The following ZFYVE28 variants were observed in gnomAD, a reference collection of about 807,000 sequenced individuals.
ZFYVE28 encodes the protein lateral signaling target protein 2 homolog.
A neutral mutation model predicts 82.1 loss-of-function variants in ZFYVE28; 40 were observed. That is an observed-to-expected ratio of 0.49 (90% CI 0.38 to 0.63). The LOEUF is 0.63. ZFYVE28 is among the 30% of genes least tolerant of loss of function. ZFYVE28 has a pLI of 0.00. For synonymous variants in ZFYVE28, 612 were observed against 546.1 expected (o/e 1.12, Z -1.68); for missense variants, 1,321 against 1,242.1 (o/e 1.06, Z -0.96).
At chr4:2,315,322 G>A (rs1718045843) in intron 7 of ZFYVE28, among the ~76,000 whole-genome samples, 1 of 152,160 alleles carries the variant, frequency 6.6e-6, no homozygotes, top group Non-Finnish European at 1.5e-5. Context: ...GTCTCACTCT[G>A]TTGCCCAGGC....
At chr4:2,326,745 C>T (rs542761402) in intron 6 of ZFYVE28, among the ~76,000 whole-genome samples, 1 of 152,196 alleles carries the variant, frequency 6.6e-6, no homozygotes, top group East Asian at 1.9e-4. Flanking sequence ...GGTTTTTCAC[C>T]TCTGTGATAA....
Position 2,362,440 on chromosome 4 carries a change from G to A in ZFYVE28, c.40-8367C>T, listed in dbSNP as rs1726289722. 6.6e-6 allele frequency among the ~76,000 whole-genome samples: 1 copy of A among 152,088 alleles called. No homozygotes were observed. The highest frequency in any genetic ancestry group is 1.5e-5 in the Non-Finnish European group (1 of 68,004). On this transcript the variant is annotated intron_variant, in intron 1 of 12. Coordinates refer to ENST00000290974, the MANE Select transcript of ZFYVE28 (RefSeq NM_020972.3). The surrounding 1 kb of genome is among the most constrained non-coding windows in gnomAD (Gnocchi z 5.1). ...CTCACCATGACCAACTAATGGCCGAGCAAGCCCCTCCACCCCTCCACCACT... is the reference window on the plus strand; with the variant it reads ...CTCACCATGACCAACTAATGGCCGAACAAGCCCCTCCACCCCTCCACCACT...
In ZFYVE28 at chr4:2,362,358, T is replaced by C. The variant is rs1451366166; in HGVS notation, c.40-8285A>G. Among the ~76,000 whole-genome samples the C allele has an allele frequency of 6.6e-6, 1 of 152,126 alleles. No homozygotes were observed. Among genetic ancestry groups the C allele is most frequent in the Non-Finnish European group, 1.5e-5 (1 of 68,008 alleles). On this transcript the variant is annotated intron_variant, in intron 1 of 12. Coordinates refer to ENST00000290974, the MANE Select transcript of ZFYVE28 (RefSeq NM_020972.3). The surrounding 1 kb of genome is among the most constrained non-coding windows in gnomAD (Gnocchi z 5.1). ...AAGAAGCCAGGGAAGAGCCTCTGCC[T>C]GGGACACACAAATGCGGCCCCACAG... is the stretch of plus-strand genomic sequence containing the variant.
At position 2,311,541 on chromosome 4, in the gene ZFYVE28, C is replaced by A. The variant is rs149104338; in HGVS notation, c.804-6005G>T. Among the ~76,000 whole-genome samples, 26 of 152,192 alleles carry A rather than the reference C, an allele frequency of 1.7e-4. No individual in the cohort carries two copies. In the East Asian group the frequency reaches 4.2e-3, roughly 25 times the overall value. On this transcript the variant is annotated intron_variant, in intron 7 of 12. Transcript: ENST00000290974. ...ACTCTGCCTCAAACAAACAAAAAAC[C>A]TAACTTTTGGGTTTGTCTTTCCCCT...
intron 1 of ZFYVE28, among the ~76,000 whole-genome samples, chr4:2,379,637 T>A (rs749290942): frequency 3.3e-5 from 5 of 152,144 alleles, no homozygotes; most frequent in Non-Finnish European, 7.3e-5. Context: ...CGAATTCACA[T>A]TGCCACCCCA....
chr4:2,346,594 C>CAAT (rs1262615007), intron 2 of ZFYVE28, among the ~76,000 whole-genome samples: 1 of 151,918 alleles, frequency 6.6e-6, no homozygotes, highest in Non-Finnish European at 1.5e-5. Flanking sequence ...TGTATGGCAA[C>CAAT]AATAGCACAA....
chr4:2,355,962 C>T (rs4974651), intron 1 of ZFYVE28, among the ~76,000 whole-genome samples: 2 of 152,174 alleles, frequency 1.3e-5, no homozygotes, highest in Non-Finnish European at 2.9e-5. Context: ...GCGCACAGTT[C>T]GAATGCGCTG....
Position 2,320,653 on chromosome 4 carries a change from G to A in ZFYVE28, c.702-382C>T, listed in dbSNP as rs563186006. On this transcript the variant is annotated intron_variant, in intron 6 of 12. Transcript: ENST00000290974. The surrounding 1 kb of genome is among the most constrained non-coding windows in gnomAD (Gnocchi z 5.1). ...GGATTTGTGGTTAAATTTATCTGCAGAGCTTTATGAGAACTGGACCTGGAA... is the reference window on the plus strand; with the variant it reads ...GGATTTGTGGTTAAATTTATCTGCAAAGCTTTATGAGAACTGGACCTGGAA... Among the ~76,000 whole-genome samples, 1 of 152,188 alleles carries A rather than the reference G, an allele frequency of 6.6e-6. No individual in the cohort carries two copies. Among genetic ancestry groups the A allele is most frequent in the Non-Finnish European group, 1.5e-5 (1 of 68,042 alleles).
intron 1 of ZFYVE28, among the ~76,000 whole-genome samples, chr4:2,404,708 A>C (rs1731641774): frequency 6.6e-6 from 1 of 152,152 alleles, no homozygotes; most frequent in South Asian, 2.1e-4. Flanking sequence ...ACATAATAGA[A>C]ACAGGGTGTT....
intron 2 of ZFYVE28, chr4:2,342,464 G>C (rs1235606686): frequency 2.6e-5 from 4 of 152,310 alleles, no homozygotes; most frequent in African/African-American, 7.2e-5. Flanking sequence ...CGCAATCATA[G>C]CTTACGACAG....
rs544012829 is a variant in ZFYVE28, at chr4:2,271,543, G to A, written c.2429-129C>T. On this transcript the variant is annotated intron_variant, in intron 11 of 12. Coordinates refer to ENST00000290974, the MANE Select transcript of ZFYVE28 (RefSeq NM_020972.3). The stretch of plus-strand genomic sequence containing the variant: ...CCTGGCCTCCAGCCAGCCTCCGGGG[G>A]GGCGGTCTCCCAGCTCCCACATGCC... 22 of 1,409,410 alleles carry A rather than the reference G, an allele frequency of 1.6e-5. No individual in the cohort carries two copies. The African/African-American group carries it at 2.3e-4, about 14-fold the overall frequency. The allele number at this position is 1,409,410 out of a possible 1,614,324, so 87.3% of individuals were successfully genotyped here. A position where few individuals can be genotyped will look rare whatever the true frequency, so the allele number is the denominator to read the frequency against.
intron 1 of ZFYVE28, among the ~76,000 whole-genome samples, chr4:2,367,776 C>T (rs1438500857): frequency 1.3e-5 from 2 of 152,224 alleles, no homozygotes; most frequent in Admixed American, 6.5e-5. Flanking sequence ...GGAAGCCATA[C>T]TCAAGGAGGC....
intron 1 of ZFYVE28, among the ~76,000 whole-genome samples, chr4:2,404,857 C>CTTTTTCTTT (rs550584895): frequency 5.4e-5 from 6 of 110,998 alleles, no homozygotes; most frequent in African/African-American, 2.1e-4. Flanking sequence ...CAGTCTCGCT[C>CTTTTTCTTT]TTTTTTTTTT....
intron 1 of ZFYVE28, among the ~76,000 whole-genome samples, chr4:2,385,820 CT>C (rs1484521293): frequency 9.2e-5 from 14 of 152,216 alleles, no homozygotes; most frequent in Admixed American, 9.2e-4. Context: ...CAGCTCCTTG[CT>C]TAAGAGCCGC....
chr4:2,369,855 T>TTTTC (rs1560297051), intron 1 of ZFYVE28, among the ~76,000 whole-genome samples: 1 of 136,654 alleles, frequency 7.3e-6, no homozygotes, highest in Non-Finnish European at 1.6e-5. Flanking sequence ...CTTTTCTTTT[T>TTTTC]TTTTTTTTTT....
intron 6 of ZFYVE28, among the ~76,000 whole-genome samples, chr4:2,326,571 TA>T (rs955638309): frequency 2.6e-5 from 4 of 151,956 alleles, no homozygotes; most frequent in Non-Finnish European, 5.9e-5. Context: ...TCTCTTTCCA[TA>T]AAAAAAATGA....
chr4:2,358,152 G>A (rs1160263249), intron 1 of ZFYVE28, among the ~76,000 whole-genome samples: 1 of 152,210 alleles, frequency 6.6e-6, no homozygotes. Flanking sequence ...ACCGCCGTGT[G>A]TGTGCAAGTA....
intron 7 of ZFYVE28, among the ~76,000 whole-genome samples, chr4:2,319,635 G>A (rs1193039602): frequency 6.6e-6 from 1 of 152,232 alleles, no homozygotes; most frequent in African/African-American, 2.4e-5. Flanking sequence ...CCACGGCTGG[G>A]CTCTGTCGGC....
Position 2,371,120 on chromosome 4 carries a change from G to A in ZFYVE28, c.40-17047C>T, listed in dbSNP as rs567659352. ...TGCAGGTGGGCGACTTGGAGCTGGAGAGAAGATGGGGAGCTCACGTGGGGG... is the reference window on the plus strand; with the variant it reads ...TGCAGGTGGGCGACTTGGAGCTGGAAAGAAGATGGGGAGCTCACGTGGGGG... On this transcript the variant is annotated intron_variant, in intron 1 of 12. Coordinates refer to ENST00000290974, the MANE Select transcript of ZFYVE28 (RefSeq NM_020972.3). 2.0e-5 allele frequency among the ~76,000 whole-genome samples: 3 copies of A among 152,318 alleles called. No homozygotes were observed. The South Asian group carries it at 6.2e-4, about 32-fold the overall frequency.
Sources: allele counts gnomAD v4.1 joint callset (sites outside exome capture counted in the v4.1 genomes callset), GRCh38; gene constraint gnomAD v4.1.1; non-coding constraint Gnocchi (gnomAD v3.1); transcripts MANE v1.5; gene names NCBI Gene and HGNC (gene_info 2026-07-23, HGNC 2026-07-21).